PDE3A: variants seen among roughly 807,000 people sequenced by gnomAD.
PDE3A encodes cGMP-inhibited 3',5'-cyclic phosphodiesterase 3A.
A neutral mutation model predicts 98.3 loss-of-function variants in PDE3A; 43 were observed. The ratio of observed to expected loss-of-function variants is 0.44; its 90% confidence interval spans 0.34 to 0.56. The LOEUF (loss-of-function observed/expected upper bound fraction) is 0.56, where lower values mean the gene tolerates loss of function less well. Among genes scored for constraint, PDE3A ranks in the 20% least tolerant of loss-of-function variants. The pLI is 0.01. For missense variants in PDE3A, 1,427 were observed against 1,440.7 expected (o/e 0.99, Z 0.15); for synonymous variants, 663 against 567.9 (o/e 1.17, Z -2.38).
chr12:20,419,736 G>GTT (rs1355196559), intron 1 of PDE3A, among the ~76,000 whole-genome samples: 13 of 53,104 alleles, frequency 2.4e-4, no homozygotes, highest in African/African-American at 7.8e-4. Flanking sequence ...ATTTAATATT[G>GTT]TATTTTTTTT....
chr12:20,532,544 A>G (rs1941631653), intron 1 of PDE3A, among the ~76,000 whole-genome samples: 1 of 152,002 alleles, frequency 6.6e-6, no homozygotes, highest in Non-Finnish European at 1.5e-5. Context: ...TCTTACAAAT[A>G]CAGATTGGCA....
At chr12:20,654,660 CTT>C (rs71442265) in intron 15 of PDE3A, among the ~76,000 whole-genome samples, 1,615 of 85,620 alleles carry the variant, frequency 0.019, 6 homozygotes, top group African/African-American at 0.063. Context: ...CTACACCCGG[CTT>C]TTTTTTTTTT....
intron 1 of PDE3A, among the ~76,000 whole-genome samples, chr12:20,389,753 A>G (rs1943879869): frequency 6.6e-6 from 1 of 151,996 alleles, no homozygotes; most frequent in Admixed American, 6.6e-5. Context: ...TTTGCCCTCC[A>G]GAAAGGTCAT....
At chr12:20,635,829 A>G (rs1336532020) in intron 8 of PDE3A, among the ~76,000 whole-genome samples, 2 of 151,670 alleles carry the variant, frequency 1.3e-5, no homozygotes, top group East Asian at 1.9e-4. Flanking sequence ...TTAAACATGT[A>G]TTACAGCCCT....
intron 15 of PDE3A, among the ~76,000 whole-genome samples, chr12:20,666,915 T>A (rs968282482): frequency 6.6e-6 from 1 of 152,210 alleles, no homozygotes; most frequent in Non-Finnish European, 1.5e-5. Flanking sequence ...AGTTCCCTTT[T>A]CTCCACATCC....
intron 1 of PDE3A, among the ~76,000 whole-genome samples, chr12:20,413,806 C>T (rs1315411566): frequency 2.0e-5 from 3 of 152,052 alleles, no homozygotes; most frequent in Non-Finnish European, 4.4e-5. Flanking sequence ...GAAAGGAAGC[C>T]AGGAGTAAAT....
chr12:20,515,011 CA>C (rs1452967334), intron 1 of PDE3A, among the ~76,000 whole-genome samples: 1 of 152,132 alleles, frequency 6.6e-6, no homozygotes, highest in Admixed American at 6.5e-5. Context: ...CTTGCTGCAT[CA>C]TCACATGGCA....
chr12:20,523,779 T>A (rs578057045), intron 1 of PDE3A, among the ~76,000 whole-genome samples: 2 of 152,216 alleles, frequency 1.3e-5, no homozygotes, highest in Admixed American at 1.3e-4. Context: ...AAGTAAAAAA[T>A]GTTTTTAAAA....
At chr12:20,471,552 G>A (rs1198242246) in intron 1 of PDE3A, among the ~76,000 whole-genome samples, 1 of 152,112 alleles carries the variant, frequency 6.6e-6, no homozygotes, top group East Asian at 1.9e-4. Flanking sequence ...TTACATCTCA[G>A]AGTGCCATTG....
intron 3 of PDE3A, 47 bp from the exon 4 acceptor site, chr12:20,616,183 A>T: frequency 6.5e-7 from 1 of 1,540,374 alleles, no homozygotes; most frequent in Non-Finnish European, 8.9e-7. Context: ...CATAAAATTT[A>T]AGAGATATAA....
At chr12:20,590,135 C>T (rs903678663) in intron 2 of PDE3A, among the ~76,000 whole-genome samples, 3 of 151,926 alleles carry the variant, frequency 2.0e-5, no homozygotes, top group African/African-American at 4.8e-5. Flanking sequence ...CTTACTATCC[C>T]GTGCTCCAAA....
intron 15 of PDE3A, among the ~76,000 whole-genome samples, chr12:20,658,817 A>G (rs1945097949): frequency 6.6e-6 from 1 of 152,034 alleles, no homozygotes; most frequent in African/African-American, 2.4e-5. Flanking sequence ...AGGCTGGGAG[A>G]AGATTTATCT....
intron 1 of PDE3A, among the ~76,000 whole-genome samples, chr12:20,540,110 C>T (rs1215357233): frequency 6.6e-6 from 1 of 152,096 alleles, no homozygotes; most frequent in Non-Finnish European, 1.5e-5. Flanking sequence ...AAGAAGATAT[C>T]TGCCAATTTA....
intron 2 of PDE3A, among the ~76,000 whole-genome samples, chr12:20,579,869 T>C (rs995903522): frequency 2.0e-5 from 3 of 152,130 alleles, no homozygotes; most frequent in Admixed American, 2.0e-4. Flanking sequence ...GAGAAAACAA[T>C]TGAAGAGCCA....
rs115064090 is a variant in PDE3A, at chr12:20,446,521, G to A, written c.960+76277G>A. On this transcript the variant is annotated intron_variant, in intron 1 of 15. Coordinates refer to ENST00000359062, the MANE Select transcript of PDE3A (RefSeq NM_000921.5). ...AAGGTTGGTGAGTAGTGGGGACAGC[G>A]TTCTTGTTACCACTGGAGTTTGTGT... Among the ~76,000 whole-genome samples, 1,319 of 152,242 alleles carry A rather than the reference G, an allele frequency of 8.7e-3. 13 individuals are homozygous for A. The highest frequency in any genetic ancestry group is 0.03 in the African/African-American group (1,249 of 41,528).
intron 1 of PDE3A, among the ~76,000 whole-genome samples, chr12:20,372,378 T>C (rs1008217690): frequency 3.9e-5 from 6 of 152,194 alleles, no homozygotes; most frequent in Admixed American, 2.6e-4. Flanking sequence ...TTAGCAGAAA[T>C]TGAGATACTT....
Position 20,613,708 on chromosome 12 carries a change from G to C in PDE3A, c.1269+8G>C. 1 of 1,607,716 alleles carries C rather than the reference G, an allele frequency of 6.2e-7. No homozygotes were observed. The highest frequency in any genetic ancestry group is 8.5e-7 in the Non-Finnish European group (1 of 1,174,168). ...AAGCTTGCTATTCCAAAGGTAGGTA[G>C]TAATGACATACCCCTTAAAGGGTTA... On this transcript the variant is annotated splice_region_variant and intron_variant, in intron 3 of 15. Coordinates refer to ENST00000359062, the MANE Select transcript of PDE3A (RefSeq NM_000921.5).
At chr12:20,637,360 C>T (rs1944540344) in intron 9 of PDE3A, 123 bp downstream of exon 9, 1 of 617,728 alleles carries the variant, frequency 1.6e-6, no homozygotes, top group Non-Finnish European at 2.7e-6. Flanking sequence ...AGTTTTAGAA[C>T]ACAACATTCT....
chr12:20,379,747 C>T (rs1315162981), intron 1 of PDE3A, among the ~76,000 whole-genome samples: 2 of 151,714 alleles, frequency 1.3e-5, no homozygotes, highest in African/African-American at 4.8e-5. Flanking sequence ...ATAAGACTAT[C>T]AACAAAGCTA....
Sources: allele counts gnomAD v4.1 joint callset (sites outside exome capture counted in the v4.1 genomes callset), GRCh38; gene constraint gnomAD v4.1.1; transcripts MANE v1.5; gene names NCBI Gene and HGNC (gene_info 2026-07-23, HGNC 2026-07-21).